PTPRD: variants seen among roughly 807,000 people sequenced by gnomAD.
PTPRD encodes protein tyrosine phosphatase receptor type D.
Under a neutral mutation model 214.5 loss-of-function variants are expected in PTPRD, and 34 were observed. That is an observed-to-expected ratio of 0.16 (90% CI 0.12 to 0.21). The LOEUF is 0.21. Among genes scored for constraint, PTPRD ranks in the 10% least tolerant of loss-of-function variants. The pLI, the probability that PTPRD is intolerant of heterozygous loss-of-function variation, is 1.00. For synonymous variants in PTPRD, 1,128 were observed against 845.7 expected, an observed-to-expected ratio of 1.33 and a Z score of -5.79; for missense variants, 2,545 against 2,398.7, an observed-to-expected ratio of 1.06 and a Z score of -1.27.
Position 9,486,512 on chromosome 9 carries a change from T to C in PTPRD, c.-237+88220A>G, listed in dbSNP as rs1037955491. On this transcript the variant is annotated intron_variant, in intron 8 of 45. Transcript: ENST00000381196. Reference sequence around the variant, plus strand: ...TTAGACACATACACTCTTATGCTTTTTTTTTCCTCCCTCATCTCTATCGCT... The same window carrying C: ...TTAGACACATACACTCTTATGCTTTCTTTTTCCTCCCTCATCTCTATCGCT... 9.8e-5 allele frequency among the ~76,000 whole-genome samples: 15 copies of C among 152,304 alleles called. 1 individual carries two copies. In the South Asian group the frequency reaches 3.1e-3, roughly 32 times the overall value.
intron 11 of PTPRD, among the ~76,000 whole-genome samples, chr9:8,758,655 A>G (rs2094188633): frequency 6.6e-6 from 1 of 152,200 alleles, no homozygotes; most frequent in Admixed American, 6.5e-5. Context: ...TTTCTGACTT[A>G]ATTGTCAATA....
At chr9:10,279,729 C>T (rs1285839266) in intron 3 of PTPRD, among the ~76,000 whole-genome samples, 1 of 150,532 alleles carries the variant, frequency 6.6e-6, no homozygotes, top group Non-Finnish European at 1.5e-5. Flanking sequence ...AAAAGCCTTT[C>T]CTCTGAGCGA....
At chr9:9,203,902 A>G (rs1003328352) in intron 9 of PTPRD, among the ~76,000 whole-genome samples, 4 of 152,190 alleles carry the variant, frequency 2.6e-5, no homozygotes, top group Non-Finnish European at 5.9e-5. Context: ...AGAATTGGAG[A>G]AAGAAAATCA....
intron 8 of PTPRD, among the ~76,000 whole-genome samples, chr9:9,479,702 C>A (rs898294675): frequency 6.6e-6 from 1 of 150,954 alleles, no homozygotes; most frequent in Non-Finnish European, 1.5e-5. Flanking sequence ...AGATTGAAAA[C>A]CTTAAGTAAT....
chr9:9,415,849 T>C (rs1400014852), intron 8 of PTPRD, among the ~76,000 whole-genome samples: 2 of 152,174 alleles, frequency 1.3e-5, no homozygotes, highest in African/African-American at 4.8e-5. Context: ...ATTGATTTCA[T>C]TGTCCCGGTT....
At chr9:9,557,093 G>A (rs2081717548) in intron 8 of PTPRD, among the ~76,000 whole-genome samples, 1 of 152,136 alleles carries the variant, frequency 6.6e-6, no homozygotes, top group Non-Finnish European at 1.5e-5. Flanking sequence ...TATCCTTTCA[G>A]CAAATTGTCT....
intron 2 of PTPRD, among the ~76,000 whole-genome samples, chr9:10,503,988 C>G (rs1460413343): frequency 6.6e-6 from 1 of 150,664 alleles, no homozygotes. Flanking sequence ...TGGTGGCGGG[C>G]GCCTGTAGTC....
intron 39 of PTPRD, among the ~76,000 whole-genome samples, chr9:8,357,585 G>A (rs777951586): frequency 3.3e-5 from 5 of 152,178 alleles, no homozygotes; most frequent in Non-Finnish European, 5.9e-5. Context: ...AGAATGTGGT[G>A]AGCAGGGAAG....
chr9:9,528,559 A>G (rs1208505668), intron 8 of PTPRD, among the ~76,000 whole-genome samples: 1 of 152,192 alleles, frequency 6.6e-6, no homozygotes, highest in Non-Finnish European at 1.5e-5. Flanking sequence ...TTGAAGACAT[A>G]TTGCGAGAAT....
intron 11 of PTPRD, among the ~76,000 whole-genome samples, chr9:8,951,609 C>T (rs958915185): frequency 2.0e-5 from 3 of 151,938 alleles, no homozygotes; most frequent in African/African-American, 7.2e-5. Flanking sequence ...TTCTTTATTG[C>T]ACTGCTAGTC....
At chr9:9,027,786 AT>A (rs2099592105) in intron 10 of PTPRD, among the ~76,000 whole-genome samples, 1 of 151,838 alleles carries the variant, frequency 6.6e-6, no homozygotes, top group Non-Finnish European at 1.5e-5. Flanking sequence ...TTTATTTTAC[AT>A]TTTACATAAG....
At chr9:10,071,962 T>G (rs926024721) in intron 3 of PTPRD, among the ~76,000 whole-genome samples, 2 of 151,964 alleles carry the variant, frequency 1.3e-5, no homozygotes, top group African/African-American at 4.8e-5. Flanking sequence ...AATGAAGAGA[T>G]CCTGTGTATT....
In PTPRD at chr9:10,055,595, T is replaced by C. The variant is rs184296107; in HGVS notation, c.-544-21805A>G. 3.8e-3 allele frequency among the ~76,000 whole-genome samples: 580 copies of C among 152,178 alleles called. 1 individual carries two copies. The highest frequency in any genetic ancestry group is 0.013 in the African/African-American group (542 of 41,518). On this transcript the variant is annotated intron_variant, in intron 3 of 45. Coordinates refer to ENST00000381196, the MANE Select transcript of PTPRD (RefSeq NM_002839.4). The stretch of plus-strand genomic sequence containing the variant: ...CTCTTAATCACTTCATTATGATATA[T>C]GGGGGCAATTATCACAATATCTGAG...
At chr9:9,148,372 T>A (rs2099872191) in intron 10 of PTPRD, among the ~76,000 whole-genome samples, 2 of 152,200 alleles carry the variant, frequency 1.3e-5, no homozygotes, top group Admixed American at 1.3e-4. Context: ...TTCAATTATT[T>A]ATATACAAAG....
At chr9:9,690,430 G>C (rs914675523) in intron 7 of PTPRD, among the ~76,000 whole-genome samples, 3 of 151,962 alleles carry the variant, frequency 2.0e-5, no homozygotes, top group African/African-American at 7.2e-5. Flanking sequence ...CATCCTGTGG[G>C]TCATCTCTTC....
rs1474184789 is a variant in PTPRD at position 10,598,692 on chromosome 9, GTGTGT to G, written c.-600+13701_-600+13705del. Among the ~76,000 whole-genome samples the G allele has an allele frequency of 6.3e-4, 65 of 102,612 alleles. No individual in the cohort carries two copies. The South Asian group carries it at 0.012, about 19-fold the overall frequency. 67.3% of individuals were successfully genotyped at this position (102,612 alleles called of 152,430 possible). A position where few individuals can be genotyped will look rare whatever the true frequency, so the allele number is the denominator to read the frequency against. On this transcript the variant is annotated intron_variant, in intron 2 of 45. Transcript: ENST00000381196. ...TATATGTATGTGTGTGTGTGTGTGT[GTGTGT>G]GTGTGTGGTGTGTGGTGTGTGTGTG...
At chr9:10,597,155 G>A (rs2076816563) in intron 2 of PTPRD, among the ~76,000 whole-genome samples, 1 of 151,358 alleles carries the variant, frequency 6.6e-6, no homozygotes, top group African/African-American at 2.4e-5. Flanking sequence ...GGAAACAAAT[G>A]CTTTATTACG....
rs193068274 is a variant in PTPRD, at chr9:8,465,633, C to G, written c.3547G>C (p.Gly1183Arg). Residue 1183 changes from glycine to arginine, a missense_variant, in exon 32 of 46, where the codon GGG becomes CGG. Physicochemically the swap from Gly to Arg is moderately radical, Grantham distance 125. Transcript: ENST00000381196. ...TATGGCTTTAATTCAACTTCTCTCC[C>G]ATAACGGATGCTTCTGCGCTTCCTA... ...ISRKRRSIRY[G>R]REVELKPYIA... is the part of the protein sequence containing the mutation. 10 of 1,612,260 alleles carry G rather than the reference C, an allele frequency of 6.2e-6. No individual in the cohort carries two copies. The highest frequency in any genetic ancestry group is 8.5e-6 in the Non-Finnish European group (10 of 1,178,862).
chr9:8,851,649 G>A (rs963038406), intron 11 of PTPRD, among the ~76,000 whole-genome samples: 8 of 152,066 alleles, frequency 5.3e-5, no homozygotes, highest in South Asian at 2.1e-4. Context: ...TGTTCATTAC[G>A]TGACTTCTAC....
Sources: allele counts gnomAD v4.1 joint callset (sites outside exome capture counted in the v4.1 genomes callset), GRCh38; gene constraint gnomAD v4.1.1; transcripts MANE v1.5; gene names NCBI Gene and HGNC (gene_info 2026-07-23, HGNC 2026-07-21).